The following KANK1 variants were observed in gnomAD, a reference collection of about 807,000 sequenced individuals.
KANK1 encodes the protein KN motif and ankyrin repeat domain-containing protein 1.
KANK1 carries 109 observed loss-of-function variants against 106.2 expected under a neutral mutation model. That is an observed-to-expected ratio of 1.03 (90% CI 0.88 to 1.20). KANK1 has a LOEUF of 1.20. Ranked by LOEUF, KANK1 falls within the 50% of genes most tolerant of loss-of-function variation. The pLI is 0.00. For synonymous variants in KANK1, 873 were observed against 652.2 expected (o/e 1.34, Z -5.16); for missense variants, 2,399 against 1,710.7 (o/e 1.40, Z -7.10).
At chr9:687,053 T>A (rs1280874516) in intron 2 of KANK1, 1 of 412,500 alleles carries the variant, frequency 2.4e-6, no homozygotes, top group East Asian at 1.6e-4. Flanking sequence ...TTAATACTGC[T>A]GCATTTCAAT....
chr9:498,702 AAAGC>A (rs2058497143), intron 3 of KANK1, among the ~76,000 whole-genome samples: 1 of 152,216 alleles, frequency 6.6e-6, no homozygotes. Flanking sequence ...GTCTTAGAGA[AAAGC>A]AAATTAAAGC....
intron 1 of KANK1, among the ~76,000 whole-genome samples, chr9:659,516 G>T (rs1842844195): frequency 6.6e-6 from 1 of 152,090 alleles, no homozygotes; most frequent in Non-Finnish European, 1.5e-5. Flanking sequence ...AACTGTATTA[G>T]TCTGTTCTTG....
intron 3 of KANK1, among the ~76,000 whole-genome samples, chr9:498,600 C>CAATTCA (rs2058494364): frequency 2.0e-5 from 3 of 152,036 alleles, no homozygotes; most frequent in African/African-American, 2.4e-5. Context: ...TAAAAAGACA[C>CAATTCA]ATAATCTAAT....
intron 2 of KANK1, among the ~76,000 whole-genome samples, chr9:682,975 G>A (rs1452611709): frequency 2.0e-5 from 3 of 152,100 alleles, no homozygotes; most frequent in Non-Finnish European, 2.9e-5. Context: ...AGCCCACTGC[G>A]GTGAACCTGA....
intron 7 of KANK1, among the ~76,000 whole-genome samples, chr9:736,132 GTA>G (rs1419657531): frequency 2.0e-5 from 3 of 152,094 alleles, no homozygotes; most frequent in African/African-American, 7.2e-5. Context: ...TAATTTTTTT[GTA>G]TTTTTAGTAG....
chr9:716,351 G>C (rs1827687614), intron 3 of KANK1, among the ~76,000 whole-genome samples: 1 of 152,208 alleles, frequency 6.6e-6, no homozygotes, highest in Non-Finnish European at 1.5e-5. Context: ...TATGGTTAGA[G>C]TATTTCCAGA....
At chr9:571,357 A>G (rs7026381) in intron 1 of KANK1, among the ~76,000 whole-genome samples, 8,860 of 152,264 alleles carry the variant, frequency 0.058, 849 homozygotes, top group African/African-American at 0.2. Context: ...TCCTTTGGCA[A>G]CACGTGTTAA....
chr9:732,798 T>C lies in KANK1; in HGVS notation c.3245+181T>C, dbSNP rs549009263. ...AGTATTACAACTCTTAGATCTCTTA[T>C]GGTAGAATGGCCTGGTACCTAATCA... On this transcript the variant is annotated intron_variant, in intron 6 of 11. Transcript: ENST00000382297. 105 of 594,698 alleles carry C rather than the reference T, an allele frequency of 1.8e-4. No homozygotes were observed. The South Asian group carries it at 2.7e-3, about 16-fold the overall frequency. The allele number at this position is 594,698 out of a possible 1,614,324, so 36.8% of individuals were successfully genotyped here.
At chr9:502,963 T>C (rs2058587742), upstream of KANK1, among the ~76,000 whole-genome samples, 3 of 150,842 alleles carry the variant, frequency 2.0e-5, no homozygotes, top group Admixed American at 6.6e-5. Context: ...GCCTCCAGAG[T>C]AGCTGGGACT....
At chr9:729,398 G>C (rs1371967762) in intron 3 of KANK1, among the ~76,000 whole-genome samples, 1 of 152,224 alleles carries the variant, frequency 6.6e-6, no homozygotes, top group Admixed American at 6.5e-5. Flanking sequence ...AAGAGGCAGT[G>C]ATGGGAGGGT....
intron 10 of KANK1, 102 bp downstream of exon 10, chr9:742,507 T>G (rs893123583): frequency 2.4e-6 from 2 of 836,026 alleles, no homozygotes; most frequent in Non-Finnish European, 3.7e-6. Flanking sequence ...CCTCCTCTAT[T>G]CTCCTCTGGG....
chr9:632,642 C>T (rs181495966), intron 1 of KANK1, among the ~76,000 whole-genome samples: 1 of 152,092 alleles, frequency 6.6e-6, no homozygotes, highest in African/African-American at 2.4e-5. Flanking sequence ...AATTGATTAT[C>T]ACATTATCTG....
At chr9:638,021 A>G (rs115455761) in intron 1 of KANK1, among the ~76,000 whole-genome samples, 3,680 of 152,302 alleles carry the variant, frequency 0.024, 167 homozygotes, top group African/African-American at 0.084. Flanking sequence ...TGGCTGTAGA[A>G]GTGCCAGGCA....
chr9:532,363 A>ATT (rs1293690602), intron 1 of KANK1, among the ~76,000 whole-genome samples: 1 of 78,344 alleles, frequency 1.3e-5, no homozygotes, highest in Non-Finnish European at 2.3e-5. Flanking sequence ...TGCCTCAAGC[A>ATT]CTTTTTTTTT....
intron 3 of KANK1, among the ~76,000 whole-genome samples, chr9:489,236 T>C (rs2058341628): frequency 6.6e-6 from 1 of 151,874 alleles, no homozygotes; most frequent in Non-Finnish European, 1.5e-5. Context: ...CCTCGTGCAG[T>C]TTGGGGTAGA....
At chr9:501,822 G>A (rs1213783011), upstream of KANK1, among the ~76,000 whole-genome samples, 3 of 152,120 alleles carry the variant, frequency 2.0e-5, no homozygotes, top group Non-Finnish European at 4.4e-5. Flanking sequence ...CCAAATGATG[G>A]GATTATAGGC....
At chr9:678,322 A>G (rs2138939579) in intron 2 of KANK1, among the ~76,000 whole-genome samples, 1 of 152,284 alleles carries the variant, frequency 6.6e-6, no homozygotes, top group African/African-American at 2.4e-5. Flanking sequence ...CTTTGCCTGC[A>G]TTTTCATACT....
At chr9:498,966 A>G (rs1046058901) in intron 3 of KANK1, among the ~76,000 whole-genome samples, 9 of 152,292 alleles carry the variant, frequency 5.9e-5, no homozygotes, top group African/African-American at 2.2e-4. Context: ...TCACGAGGTC[A>G]GGAGATCAAG....
chr9:639,809 A>T (rs1239398586), intron 1 of KANK1, among the ~76,000 whole-genome samples: 2 of 152,232 alleles, frequency 1.3e-5, no homozygotes, highest in Non-Finnish European at 2.9e-5. Flanking sequence ...AGATGACAGC[A>T]GATTCAGTAT....
Sources: allele counts gnomAD v4.1 joint callset (sites outside exome capture counted in the v4.1 genomes callset), GRCh38; gene constraint gnomAD v4.1.1; transcripts MANE v1.5; gene names NCBI Gene and HGNC (gene_info 2026-07-23, HGNC 2026-07-21).